Variants in BAG3 observed in about 807,000 individuals in gnomAD.
The protein encoded by BAG3 is BAG family molecular chaperone regulator 3.
In BAG3, 14 loss-of-function variants were observed where a neutral mutation model predicts 40.5. That is an observed-to-expected ratio of 0.35 (90% CI 0.23 to 0.54). The LOEUF is 0.54. Ranked by LOEUF, BAG3 falls within the 20% of genes least tolerant of loss-of-function variation. BAG3 has a pLI of 0.91. For synonymous variants in BAG3, 302 were observed against 307.8 expected, an observed-to-expected ratio of 0.98 and a Z score of 0.20; for missense variants, 788 against 758.6, an observed-to-expected ratio of 1.04 and a Z score of -0.46.
rs991351960 is a variant in BAG3, at chr10:119,670,192, G to C, written c.507+15G>C. 3.8e-6 allele frequency: 6 copies of C among 1,596,510 alleles called. No individual in the cohort carries two copies. In the Admixed American group the frequency reaches 1.0e-4, roughly 27 times the overall value. On this transcript the variant is annotated intron_variant, in intron 2 of 3. Transcript: ENST00000369085. Reference sequence around the variant, plus strand: ...ACGGACCTGAGGTAAGGAGAGGCCAGGCTCACCAGCCTGCTGGGGAGCAAG... The same window carrying C: ...ACGGACCTGAGGTAAGGAGAGGCCACGCTCACCAGCCTGCTGGGGAGCAAG...
intron 2 of BAG3, among the ~76,000 whole-genome samples, chr10:119,670,661 C>A (rs1384108497): frequency 6.6e-6 from 1 of 152,144 alleles, no homozygotes; most frequent in Non-Finnish European, 1.5e-5. Flanking sequence ...GAAAATGAGA[C>A]CCCATGCCTG....
rs971356997 is a variant in BAG3, at chr10:119,676,765, A to G, written c.1211A>G (p.Glu404Gly). The G allele has an allele frequency of 1.9e-6, 3 of 1,614,050 alleles. No individual in the cohort carries two copies. The highest frequency in any genetic ancestry group is 2.7e-5 in the African/African-American group (2 of 74,916). Residue 404 changes from glutamate (E) to glycine (G), a missense_variant, in exon 4 of 4, where the codon GAA (glutamate) becomes GGA (glycine). Coordinates refer to ENST00000369085, the MANE Select transcript of BAG3 (RefSeq NM_004281.4). ...GCAGCCCCCAGCACTGCCCCTGCAG[A>G]AGCTACACCTCCAAAACCAGGAGAA... is the stretch of plus-strand genomic sequence containing the variant. ...ERAAPSTAPA[E>G]ATPPKPGEAE...
At position 119,670,235 on chromosome 10, in the gene BAG3, C is replaced by T. The variant is rs112302047; in HGVS notation, c.507+58C>T. 2,319 of 1,543,380 alleles carry T rather than the reference C, an allele frequency of 1.5e-3. 30 individuals carry two copies. The African/African-American group carries it at 0.029, about 19-fold the overall frequency. On this transcript the variant is annotated intron_variant, in intron 2 of 3. Coordinates refer to ENST00000369085, the MANE Select transcript of BAG3 (RefSeq NM_004281.4). ...GGAGCAAGCCGCTGTGCTTCCCAGG[C>T]CGGGCCCATCCCCTCAGGACAGTGC...
At chr10:119,675,168 CA>C (rs367859348) in intron 3 of BAG3, among the ~76,000 whole-genome samples, 2 of 151,912 alleles carry the variant, frequency 1.3e-5, no homozygotes, top group South Asian at 2.1e-4. Context: ...CCTGTCTCTA[CA>C]AAAAAATAGA....
chr10:119,669,407 A>G (rs1452666342), intron 1 of BAG3, among the ~76,000 whole-genome samples: 1 of 152,086 alleles, frequency 6.6e-6, no homozygotes, highest in East Asian at 1.9e-4. Context: ...TACAAGCTCT[A>G]TATTGCTGGG....
At chr10:119,653,801 G>C (rs150081253) in intron 1 of BAG3, among the ~76,000 whole-genome samples, 1 of 152,316 alleles carries the variant, frequency 6.6e-6, no homozygotes, top group African/African-American at 2.4e-5. Flanking sequence ...GAGAGAACTA[G>C]TGTCAGGAAA....
intron 1 of BAG3, among the ~76,000 whole-genome samples, chr10:119,660,319 A>T (rs1846975652): frequency 6.6e-6 from 1 of 152,230 alleles, no homozygotes; most frequent in African/African-American, 2.4e-5. Flanking sequence ...GTTTGTCTGC[A>T]GAGCAGGCCT....
At position 119,676,589 on chromosome 10, in the gene BAG3, G is replaced by A. The variant is rs1057522401; in HGVS notation, c.1035G>A (p.Glu345=). Residue 345 remains glutamate (E), a synonymous_variant, in exon 4 of 4, where the codon GAG becomes GAA. Coordinates refer to ENST00000369085, the MANE Select transcript of BAG3 (RefSeq NM_004281.4). ...GHIPIQVIRK[E]VDSKPVSQKP... ...TCCCAATTCAAGTGATCCGCAAAGA[G>A]GTGGATTCTAAACCTGTTTCCCAGA... 6.2e-7 allele frequency: 1 copy of A among 1,614,068 alleles called. No individual in the cohort carries two copies. The highest frequency in any genetic ancestry group is 1.1e-5 in the South Asian group (1 of 91,074).
In BAG3 at chr10:119,651,414, A is replaced by C; in HGVS notation, c.-262A>C. 2.7e-6 allele frequency: 1 copy of C among 369,644 alleles called. No homozygotes were observed. The highest frequency in any genetic ancestry group is 4.8e-6 in the Non-Finnish European group (1 of 209,464). The allele number at this position is 369,644 out of a possible 1,614,324, so 22.9% of individuals were successfully genotyped here. ...CCCGGGCCGCGGCCAACTTCTCTGG[A>C]CTGGACCAGAAGTTTCTAGCCGGCC... On this transcript the variant is annotated 5_prime_UTR_variant, in exon 1 of 4. Coordinates refer to ENST00000369085, the MANE Select transcript of BAG3 (RefSeq NM_004281.4).
chr10:119,675,420 AT>A (rs1320608607), intron 3 of BAG3, among the ~76,000 whole-genome samples: 1 of 152,224 alleles, frequency 6.6e-6, no homozygotes, highest in Non-Finnish European at 1.5e-5. Context: ...GCGCTGTGTC[AT>A]TGCTGAATGT....
chr10:119,675,060 G>A (rs1326754533), intron 3 of BAG3, among the ~76,000 whole-genome samples: 1 of 149,326 alleles, frequency 6.7e-6, no homozygotes, highest in Non-Finnish European at 1.5e-5. Flanking sequence ...TACTAGGCGT[G>A]GTGGCTCACA....
chr10:119,669,314 C>G (rs914917578), intron 1 of BAG3, among the ~76,000 whole-genome samples: 87 of 152,286 alleles, frequency 5.7e-4, no homozygotes, highest in African/African-American at 2.0e-3. Context: ...ATTGTTCTAA[C>G]AATACTCCTG....
intron 2 of BAG3, among the ~76,000 whole-genome samples, chr10:119,670,631 T>C (rs1847137878): frequency 6.6e-6 from 1 of 152,184 alleles, no homozygotes; most frequent in South Asian, 2.1e-4. Flanking sequence ...TCTTAACCGC[T>C]TGTGGAGCTA....
At chr10:119,658,678 A>G (rs1418175514) in intron 1 of BAG3, among the ~76,000 whole-genome samples, 5 of 152,202 alleles carry the variant, frequency 3.3e-5, no homozygotes, top group Non-Finnish European at 2.9e-5. Flanking sequence ...AGTAGCAGAA[A>G]GGTTAGCATC....
intron 2 of BAG3, 39 bp downstream of exon 2, chr10:119,670,216 A>C (rs1042212452): frequency 6.3e-7 from 1 of 1,577,950 alleles, no homozygotes; most frequent in African/African-American, 1.3e-5. Context: ...CTGGGGAGCA[A>C]GCCGCTGTGC....
intron 3 of BAG3, among the ~76,000 whole-genome samples, chr10:119,676,037 C>A (rs147750370): frequency 8.1e-5 from 12 of 147,360 alleles, no homozygotes; most frequent in African/African-American, 2.5e-4. Context: ...GCGATTCTTC[C>A]GCCTCAGCCT....
chr10:119,673,544 C>CA (rs1311866667), intron 3 of BAG3, among the ~76,000 whole-genome samples: 1 of 152,218 alleles, frequency 6.6e-6, no homozygotes. Context: ...AGCAGCAGGA[C>CA]AGTCAGCAGC....
At chr10:119,666,346 C>G (rs1414107088) in intron 1 of BAG3, among the ~76,000 whole-genome samples, 1 of 152,186 alleles carries the variant, frequency 6.6e-6, no homozygotes, top group Non-Finnish European at 1.5e-5. Context: ...CTGCTTCCCA[C>G]CACTCTTCTG....
chr10:119,677,085 C>G lies in BAG3; in HGVS notation c.1531C>G (p.Gln511Glu), dbSNP rs781630937. The change falls in exon 4 of 4, where the codon CAG (glutamine) becomes GAG (glutamate). Residue 511 changes from glutamine to glutamate, a missense_variant. Physicochemically the swap from Gln to Glu is conservative, Grantham distance 29 (BLOSUM62 2). Transcript: ENST00000369085. ...AGGTCAAGTCCAGGTCTATGAACTC[C>G]AGCCCAGCAACCTTGAAGCAGATCA... The part of the protein sequence containing the change: ...VPGQVQVYEL[Q>E]PSNLEADQPL... The G allele has an allele frequency of 5.0e-6, 8 of 1,614,118 alleles. No individual in the cohort carries two copies. The highest frequency in any genetic ancestry group is 6.8e-6 in the Non-Finnish European group (8 of 1,180,026).
Sources: gnomAD v4.1 joint callset for allele counts (sites outside exome capture counted in the v4.1 genomes callset) on GRCh38, gnomAD v4.1.1 for gene constraint, MANE v1.5 for transcripts, NCBI Gene and HGNC (gene_info 2026-07-23, HGNC 2026-07-21) for gene names.